Variants in FRMD5 observed in about 807,000 individuals in gnomAD.
The protein encoded by FRMD5 is FERM domain containing 5.
A neutral mutation model predicts 69.0 loss-of-function variants in FRMD5; 20 were observed. The ratio of observed to expected loss-of-function variants is 0.29; its 90% confidence interval spans 0.20 to 0.42. FRMD5 has a LOEUF of 0.42. Among genes scored for constraint, FRMD5 ranks in the 10% least tolerant of loss-of-function variants. The pLI, the probability that FRMD5 is intolerant of heterozygous loss-of-function variation, is 1.00. For missense variants in FRMD5, 595 were observed against 708.6 expected (o/e 0.84, Z 1.82); for synonymous variants, 271 against 260.1 (o/e 1.04, Z -0.40).
intron 1 of FRMD5, among the ~76,000 whole-genome samples, chr15:44,144,965 G>A (rs924645859): frequency 6.6e-6 from 1 of 152,186 alleles, no homozygotes; most frequent in Non-Finnish European, 1.5e-5. Flanking sequence ...CCAGTGCCCA[G>A]TATCATAGAG....
chr15:44,069,741 T>C (rs1181696016), intron 1 of FRMD5, among the ~76,000 whole-genome samples: 1 of 152,194 alleles, frequency 6.6e-6, no homozygotes, highest in African/African-American at 2.4e-5. Context: ...ACTGCAAGCA[T>C]CATTGTCAGT....
intron 1 of FRMD5, among the ~76,000 whole-genome samples, chr15:44,038,352 T>C (rs1004526974): frequency 1.3e-5 from 2 of 152,224 alleles, no homozygotes; most frequent in African/African-American, 4.8e-5. Context: ...GTTTTAGTCA[T>C]GAACTCTTTG....
intron 1 of FRMD5, among the ~76,000 whole-genome samples, chr15:44,009,018 C>T (rs1890590618): frequency 6.6e-6 from 1 of 152,086 alleles, no homozygotes; most frequent in African/African-American, 2.4e-5. Context: ...AGAGGAGACT[C>T]CGTCTCAAAA....
At chr15:44,150,048 G>C (rs2077419088) in intron 1 of FRMD5, among the ~76,000 whole-genome samples, 1 of 151,912 alleles carries the variant, frequency 6.6e-6, no homozygotes, top group South Asian at 2.1e-4. Flanking sequence ...TAACAGAATG[G>C]AGGAAGGAAA....
intron 13 of FRMD5, among the ~76,000 whole-genome samples, chr15:43,882,238 T>TA (rs2088548347): frequency 6.6e-6 from 1 of 152,180 alleles, no homozygotes; most frequent in African/African-American, 2.4e-5. Context: ...TCAGTGGAGA[T>TA]ACGTAGAATT....
chr15:43,948,677 T>C (rs923438052), intron 1 of FRMD5, among the ~76,000 whole-genome samples: 27 of 152,216 alleles, frequency 1.8e-4, no homozygotes, highest in Non-Finnish European at 3.7e-4. Context: ...CTATATAAGA[T>C]ACCTTAAAGC....
intron 1 of FRMD5, among the ~76,000 whole-genome samples, chr15:43,998,261 A>C (rs1890030923): frequency 6.6e-6 from 1 of 152,200 alleles, no homozygotes; most frequent in African/African-American, 2.4e-5. Context: ...GTAAATTGCA[A>C]AGTGGTCTAC....
intron 1 of FRMD5, among the ~76,000 whole-genome samples, chr15:43,985,090 C>T (rs779482647): frequency 6.6e-6 from 1 of 151,514 alleles, no homozygotes; most frequent in Non-Finnish European, 1.5e-5. Context: ...ACCATCCCGG[C>T]TAACATGGTG....
At chr15:43,905,134 CCT>C (rs2089140084) in intron 6 of FRMD5, among the ~76,000 whole-genome samples, 1 of 149,282 alleles carries the variant, frequency 6.7e-6, no homozygotes, top group Admixed American at 6.6e-5. Flanking sequence ...CTCAACCTCT[CCT>C]TTTTTTTTTT....
chr15:44,080,476 G>A (rs1316909122), intron 1 of FRMD5, among the ~76,000 whole-genome samples: 1 of 152,062 alleles, frequency 6.6e-6, no homozygotes, highest in African/African-American at 2.4e-5. Context: ...AATCAGAAAT[G>A]GAAAGTTTAC....
Position 43,872,564 on chromosome 15 carries a change from TC to T in FRMD5, c.*1320del. The T allele has an allele frequency of 6.6e-6, 1 of 152,476 alleles. No homozygotes were observed. The highest frequency in any genetic ancestry group is 1.5e-5 in the Non-Finnish European group (1 of 68,180). 9.4% of individuals were successfully genotyped at this position (152,476 alleles called of 1,614,324 possible). On this transcript the variant is annotated 3_prime_UTR_variant, in exon 14 of 14. Coordinates refer to ENST00000417257, the MANE Select transcript of FRMD5 (RefSeq NM_032892.5). ...GCCTGTGCTGCGTGCTTCGAGGACT[TC>T]CCTCTGCAAGGATGGTGATGCTTTC... is the stretch of plus-strand genomic sequence containing the variant.
intron 1 of FRMD5, among the ~76,000 whole-genome samples, chr15:44,128,574 T>C (rs924991039): frequency 1.3e-5 from 2 of 152,220 alleles, no homozygotes; most frequent in Non-Finnish European, 2.9e-5. Flanking sequence ...ATGGTAGGCA[T>C]ACATCACTAG....
chr15:44,099,856 A>G (rs937744719), intron 1 of FRMD5, among the ~76,000 whole-genome samples: 15 of 152,110 alleles, frequency 9.9e-5, no homozygotes, highest in African/African-American at 3.4e-4. Context: ...GAATTCCACA[A>G]CATCTAAAAA....
intron 5 of FRMD5, among the ~76,000 whole-genome samples, chr15:43,906,757 T>A (rs687024): frequency 0.14 from 17,423 of 121,394 alleles, 3,856 homozygotes; most frequent in African/African-American, 0.53. Context: ...GCCTGCCACC[T>A]CGCCCGGCTG....
intron 1 of FRMD5, among the ~76,000 whole-genome samples, chr15:43,993,196 G>A (rs1318557600): frequency 6.6e-6 from 1 of 151,720 alleles, no homozygotes; most frequent in Non-Finnish European, 1.5e-5. Flanking sequence ...TAGTTTTTTT[G>A]TTTTGTTTTG....
At chr15:43,965,066 G>C (rs1425196170) in intron 1 of FRMD5, among the ~76,000 whole-genome samples, 1 of 152,226 alleles carries the variant, frequency 6.6e-6, no homozygotes, top group Admixed American at 6.5e-5. Flanking sequence ...GAAAAGGATA[G>C]AGCATGGCCT....
At position 43,999,953 on chromosome 15, in the gene FRMD5, CATATATATATAT is replaced by C. The variant is rs34872140; in HGVS notation, c.103-75656_103-75645del. Among the ~76,000 whole-genome samples the C allele has an allele frequency of 9.8e-3, 812 of 82,838 alleles. 47 individuals carry two copies. The highest frequency in any genetic ancestry group is 0.046 in the African/African-American group (723 of 15,596). The allele number at this position is 82,838 out of a possible 152,430, so 54.3% of individuals were successfully genotyped here. On this transcript the variant is annotated intron_variant, in intron 1 of 13. Transcript: ENST00000417257. ...TATATATATATATATATATGCCATG[CATATATATATAT>C]ATATATATATATATATATATATATG...
intron 12 of FRMD5, among the ~76,000 whole-genome samples, 191 bp from the exon 13 acceptor site, chr15:43,884,000 C>T (rs765443782): frequency 1.3e-5 from 2 of 152,192 alleles, no homozygotes; most frequent in African/African-American, 2.4e-5. Context: ...CTTCAAACTC[C>T]TCCACCTCTT....
chr15:44,160,420 G>A (rs892932024), intron 1 of FRMD5, among the ~76,000 whole-genome samples: 1 of 152,212 alleles, frequency 6.6e-6, no homozygotes, highest in Non-Finnish European at 1.5e-5. Flanking sequence ...AAGGTGGGGA[G>A]GAGAGGGACG....
Sources: gnomAD v4.1 joint callset for allele counts (sites outside exome capture counted in the v4.1 genomes callset) on GRCh38, gnomAD v4.1.1 for gene constraint, MANE v1.5 for transcripts, NCBI Gene and HGNC (gene_info 2026-07-23, HGNC 2026-07-21) for gene names.